Variants in SNX29 observed in about 807,000 individuals in gnomAD.
The protein encoded by SNX29 is sorting nexin 29.
A neutral mutation model predicts 102.1 loss-of-function variants in SNX29; 78 were observed. The ratio of observed to expected loss-of-function variants is 0.76; its 90% CI spans 0.64 to 0.92. The LOEUF is 0.92. Among genes scored for constraint, SNX29 ranks in the 40% least tolerant of loss-of-function variants. SNX29 has a pLI of 0.00. For missense variants in SNX29, 1,280 were observed against 1,061.7 expected, an observed-to-expected ratio of 1.21 and a Z score of -2.86; for synonymous variants, 580 against 414.5, an observed-to-expected ratio of 1.40 and a Z score of -4.85.
chr16:11,997,028 C>G (rs2056098959), intron 1 of SNX29, among the ~76,000 whole-genome samples: 1 of 152,152 alleles, frequency 6.6e-6, no homozygotes, highest in Non-Finnish European at 1.5e-5. Context: ...TATTGTGGTC[C>G]TAACACAGGC....
At chr16:12,241,323 T>A (rs1258340217) in intron 14 of SNX29, among the ~76,000 whole-genome samples, 1 of 152,216 alleles carries the variant, frequency 6.6e-6, no homozygotes, top group African/African-American at 2.4e-5. Flanking sequence ...TGAAAATCAC[T>A]GTTTTACGTT....
intron 20 of SNX29, among the ~76,000 whole-genome samples, chr16:12,554,848 A>C (rs997096524): frequency 6.6e-6 from 1 of 152,196 alleles, no homozygotes; most frequent in Admixed American, 6.5e-5. Flanking sequence ...CGTAGGTGCC[A>C]GGGTGCTCAG....
intron 8 of SNX29, among the ~76,000 whole-genome samples, chr16:12,060,408 A>G (rs2050721170): frequency 6.6e-6 from 1 of 152,186 alleles, no homozygotes; most frequent in African/African-American, 2.4e-5. Flanking sequence ...CCTGGACAAC[A>G]TAGGGAGACC....
chr16:12,235,764 G>A (rs1431801179), intron 14 of SNX29, among the ~76,000 whole-genome samples: 1 of 151,718 alleles, frequency 6.6e-6, no homozygotes, highest in Non-Finnish European at 1.5e-5. Context: ...AATAAAGGTG[G>A]ATGAAAACAT....
chr16:12,188,618 A>G (rs1038705414), intron 13 of SNX29, among the ~76,000 whole-genome samples: 3 of 152,314 alleles, frequency 2.0e-5, no homozygotes, highest in East Asian at 1.9e-4. Context: ...TGGATATGCA[A>G]TACAGGGGCC....
intron 20 of SNX29, among the ~76,000 whole-genome samples, chr16:12,536,165 G>T (rs2077072990): frequency 6.6e-6 from 1 of 152,132 alleles, no homozygotes; most frequent in African/African-American, 2.4e-5. Context: ...GAATCTCCTG[G>T]CTTAGCACAC....
intron 18 of SNX29, among the ~76,000 whole-genome samples, chr16:12,452,086 G>A (rs1479794398): frequency 6.6e-6 from 1 of 152,136 alleles, no homozygotes; most frequent in African/African-American, 2.4e-5. Context: ...TGTGGGATAG[G>A]GTGCTGGACC....
intron 18 of SNX29, among the ~76,000 whole-genome samples, chr16:12,415,149 C>T (rs2084575308): frequency 6.6e-6 from 1 of 152,250 alleles, no homozygotes; most frequent in Non-Finnish European, 1.5e-5. Context: ...TTCCAGCTTG[C>T]TTGTGTGCCC....
chr16:12,368,783 C>T (rs566747085), intron 16 of SNX29, among the ~76,000 whole-genome samples: 286 of 152,352 alleles, frequency 1.9e-3, no homozygotes, highest in African/African-American at 6.6e-3. Context: ...CCGCTCACAA[C>T]GTCACCTGCA....
intron 13 of SNX29, among the ~76,000 whole-genome samples, chr16:12,163,174 G>A (rs1189564490): frequency 3.3e-5 from 5 of 152,204 alleles, no homozygotes; most frequent in Admixed American, 2.0e-4. Flanking sequence ...GAGCCACTGC[G>A]TCTGGCCAGT....
chr16:12,255,106 A>G (rs991052814), intron 14 of SNX29, among the ~76,000 whole-genome samples: 1 of 152,250 alleles, frequency 6.6e-6, no homozygotes, highest in Non-Finnish European at 1.5e-5. Context: ...AAATCAAGTT[A>G]ATAAACATAT....
At chr16:12,562,958 C>G (rs1200732149) in intron 20 of SNX29, among the ~76,000 whole-genome samples, 1 of 140,664 alleles carries the variant, frequency 7.1e-6, no homozygotes, top group East Asian at 2.2e-4. Context: ...AAACATTCAC[C>G]CAACACAAGG....
chr16:12,075,139 C>T (rs2051489224), intron 10 of SNX29, among the ~76,000 whole-genome samples: 2 of 152,222 alleles, frequency 1.3e-5, no homozygotes, highest in South Asian at 4.1e-4. Context: ...GTAGTTTGAT[C>T]ATCTGAAGCC....
chr16:11,986,381 A>AG, intron 1 of SNX29, among the ~76,000 whole-genome samples: 1 of 151,174 alleles, frequency 6.6e-6, no homozygotes, highest in Admixed American at 6.6e-5. Flanking sequence ...ACTTAAAAAA[A>AG]AAAAAAAAAA....
intron 16 of SNX29, among the ~76,000 whole-genome samples, chr16:12,391,835 C>A (rs1202063345): frequency 2.0e-5 from 3 of 152,188 alleles, no homozygotes; most frequent in Admixed American, 6.5e-5. Flanking sequence ...GATTTTCTTT[C>A]CACCATAGAC....
chr16:12,548,447 C>A (rs146109063), intron 20 of SNX29, among the ~76,000 whole-genome samples: 105 of 152,326 alleles, frequency 6.9e-4, no homozygotes, highest in African/African-American at 2.3e-3. Context: ...TGTACCATGG[C>A]ATCTGTGTCT....
At chr16:12,378,798 C>T (rs2151416277) in intron 16 of SNX29, among the ~76,000 whole-genome samples, 1 of 152,296 alleles carries the variant, frequency 6.6e-6, no homozygotes, top group East Asian at 1.9e-4. Context: ...CTGCTCCCTT[C>T]CGCTCCCCCA....
At chr16:12,004,841 G>A (rs551731165) in intron 3 of SNX29, among the ~76,000 whole-genome samples, 30 of 152,192 alleles carry the variant, frequency 2.0e-4, no homozygotes, top group Non-Finnish European at 4.0e-4. Context: ...TCCATTGCAC[G>A]TATTACCATC....
chr16:12,008,821 A>G (rs2056546968), intron 3 of SNX29, among the ~76,000 whole-genome samples: 1 of 150,284 alleles, frequency 6.7e-6, no homozygotes, highest in African/African-American at 2.5e-5. Context: ...AGTTCACTGC[A>G]ACCTCCACCT....
Sources: allele counts gnomAD v4.1 joint callset (sites outside exome capture counted in the v4.1 genomes callset), GRCh38; gene constraint gnomAD v4.1.1; transcripts MANE v1.5; gene names NCBI Gene and HGNC (gene_info 2026-07-23, HGNC 2026-07-21).